IGF1R: variants seen among roughly 807,000 people sequenced by gnomAD.
IGF1R encodes the protein insulin like growth factor 1 receptor, also known as insulin-like growth factor 1 receptor.
IGF1R carries 44 observed loss-of-function variants against 144.6 expected under a neutral mutation model. The ratio of observed to expected loss-of-function variants is 0.30; its 90% CI spans 0.24 to 0.39. IGF1R has a LOEUF of 0.39. Ranked by LOEUF, IGF1R falls within the 10% of genes least tolerant of loss-of-function variation. The pLI is 1.00. For synonymous variants in IGF1R, 795 were observed against 722.8 expected, an observed-to-expected ratio of 1.10 and a Z score of -1.60; for missense variants, 1,355 against 1,833.7, an observed-to-expected ratio of 0.74 and a Z score of 4.77.
chr15:98,815,354 G>A (rs891635343), intron 2 of IGF1R, among the ~76,000 whole-genome samples: 1 of 152,160 alleles, frequency 6.6e-6, no homozygotes, highest in African/African-American at 2.4e-5. Context: ...GCTCCTTTCC[G>A]AATGGAATTG....
rs1174529315 is a variant in IGF1R, at chr15:98,704,004, G to A, written c.95-3558G>A. On this transcript the variant is annotated intron_variant, in intron 1 of 20. Transcript: ENST00000650285. This position sits in a 1 kb window ranked among gnomAD's most constrained non-coding sequence, Gnocchi z 4.9. ...TGGAAAATTCCACACCTGACCTCAT[G>A]TGACGGGTCACTTTTCGAAACTCAG... Among the ~76,000 whole-genome samples the A allele has an allele frequency of 1.3e-5, 2 of 152,088 alleles. No individual in the cohort carries two copies. The highest frequency in any genetic ancestry group is 4.8e-5 in the African/African-American group (2 of 41,406).
In IGF1R at chr15:98,811,877, C is replaced by G. The variant is rs113390704; in HGVS notation, c.641-79448C>G. ...GGAGGCGGAGCTTGCAGTGAGAGATCGCGCCACTGCAGTCCAGCCTGGGTG... is the reference window on the plus strand; with the variant it reads ...GGAGGCGGAGCTTGCAGTGAGAGATGGCGCCACTGCAGTCCAGCCTGGGTG... On this transcript the variant is annotated intron_variant, in intron 2 of 20. Coordinates refer to ENST00000650285, the MANE Select transcript of IGF1R (RefSeq NM_000875.5). Among the ~76,000 whole-genome samples, 105 of 152,260 alleles carry G rather than the reference C, an allele frequency of 6.9e-4. 1 individual carries two copies. Among genetic ancestry groups the G allele is most frequent in the South Asian group, 6.4e-3 (31 of 4,834 alleles).
chr15:98,918,739 C>T (rs2015358676), intron 10 of IGF1R, among the ~76,000 whole-genome samples: 2 of 152,274 alleles, frequency 1.3e-5, no homozygotes, highest in African/African-American at 4.8e-5. Context: ...ATTAGCCAAG[C>T]GTGGTGGTGC....
chr15:98,738,715 A>G (rs544696508), intron 2 of IGF1R, among the ~76,000 whole-genome samples: 6 of 152,140 alleles, frequency 3.9e-5, no homozygotes, highest in Admixed American at 3.3e-4. Context: ...TGGAAATTCA[A>G]CTCTGTACTT....
chr15:98,917,469 C>T lies in IGF1R; in HGVS notation c.2201+593C>T, dbSNP rs551716912. Among the ~76,000 whole-genome samples the T allele has an allele frequency of 8.7e-4, 133 of 152,310 alleles. 3 individuals are homozygous for T. The South Asian group carries it at 0.014, about 16-fold the overall frequency. ...CTTTCAAAGCAACACAGCCCCTGCC[C>T]CAGGGACTCTGCTCCTCTGCTGTGG... On this transcript the variant is annotated intron_variant, in intron 10 of 20. Transcript: ENST00000650285.
intron 8 of IGF1R, among the ~76,000 whole-genome samples, chr15:98,915,747 G>T (rs1205050510): frequency 6.6e-6 from 1 of 152,184 alleles, no homozygotes; most frequent in East Asian, 1.9e-4. Context: ...TGTTTTCACA[G>T]AGATTACCGG....
At chr15:98,863,099 T>C (rs528971042) in intron 2 of IGF1R, among the ~76,000 whole-genome samples, 2 of 152,366 alleles carry the variant, frequency 1.3e-5, no homozygotes, top group South Asian at 2.1e-4. Context: ...GGGTTTTCTT[T>C]AGTCATTCAC....
At chr15:98,682,707 C>A (rs1396013832) in intron 1 of IGF1R, among the ~76,000 whole-genome samples, 1 of 151,938 alleles carries the variant, frequency 6.6e-6, no homozygotes, top group Non-Finnish European at 1.5e-5. Context: ...GCCACCATGC[C>A]TGGCTAATTT....
chr15:98,899,897 C>T (rs558550888), intron 5 of IGF1R, among the ~76,000 whole-genome samples: 1 of 152,274 alleles, frequency 6.6e-6, no homozygotes, highest in African/African-American at 2.4e-5. Flanking sequence ...AGTGAGACGG[C>T]AGACGGGGGT....
intron 2 of IGF1R, among the ~76,000 whole-genome samples, chr15:98,757,524 C>T (rs547487937): frequency 1.6e-4 from 24 of 152,062 alleles, no homozygotes; most frequent in African/African-American, 5.3e-4. Context: ...ATTTATCTGC[C>T]GTTTTGCTTG....
chr15:98,942,401 A>G (rs1199576764), intron 18 of IGF1R, among the ~76,000 whole-genome samples: 2 of 152,132 alleles, frequency 1.3e-5, no homozygotes, highest in Non-Finnish European at 2.9e-5. Flanking sequence ...TGTTGTGATC[A>G]TGGCTCACTG....
intron 2 of IGF1R, among the ~76,000 whole-genome samples, chr15:98,783,008 G>T (rs1409397499): frequency 6.6e-6 from 1 of 152,182 alleles, no homozygotes; most frequent in Non-Finnish European, 1.5e-5. Context: ...TTCTACATCT[G>T]GATGGCCCAA....
At chr15:98,758,223 T>G (rs1380817533) in intron 2 of IGF1R, among the ~76,000 whole-genome samples, 1 of 151,990 alleles carries the variant, frequency 6.6e-6, no homozygotes, top group Non-Finnish European at 1.5e-5. Context: ...TTTTTTTTAA[T>G]TCCTGAAAGT....
chr15:98,729,968 A>T (rs1404682326), intron 2 of IGF1R, among the ~76,000 whole-genome samples: 1 of 152,324 alleles, frequency 6.6e-6, no homozygotes, highest in South Asian at 2.1e-4. Flanking sequence ...ATGGGATCAC[A>T]AGGGCCTATT....
intron 3 of IGF1R, among the ~76,000 whole-genome samples, chr15:98,892,574 G>T (rs1302622783): frequency 1.3e-5 from 2 of 150,680 alleles, no homozygotes; most frequent in South Asian, 2.1e-4. Context: ...AATGCCATAT[G>T]CCCTTTTGTA....
intron 7 of IGF1R, among the ~76,000 whole-genome samples, chr15:98,912,312 G>C (rs979765408): frequency 2.0e-5 from 3 of 152,230 alleles, no homozygotes; most frequent in Non-Finnish European, 4.4e-5. Flanking sequence ...AGGATTACTA[G>C]GCTTTCAGAG....
At position 98,961,256 on chromosome 15, in the gene IGF1R, C is replaced by G. The variant is rs1328878390; in HGVS notation, c.*3814C>G. The G allele has an allele frequency of 4.3e-6, 1 of 233,526 alleles. No homozygotes were observed. Among genetic ancestry groups the G allele is most frequent in the African/African-American group, 2.2e-5 (1 of 45,336 alleles). 14.5% of individuals were successfully genotyped at this position (233,526 alleles called of 1,614,324 possible). A position where few individuals can be genotyped will look rare whatever the true frequency, so the allele number is the denominator to read the frequency against. ...CCTACCGGTTTCCACAACTGGATTT[C>G]TACAGATCATTCAGCTGGTTATAAG... On this transcript the variant is annotated 3_prime_UTR_variant, in exon 21 of 21. Transcript: ENST00000650285.
At chr15:98,936,085 A>ACAGT (rs1452492402) in intron 17 of IGF1R, among the ~76,000 whole-genome samples, 1 of 152,108 alleles carries the variant, frequency 6.6e-6, no homozygotes, top group African/African-American at 2.4e-5. Context: ...CTCCCCACAC[A>ACAGT]CAGTCCCCTT....
chr15:98,718,513 G>A (rs562617148), intron 2 of IGF1R, among the ~76,000 whole-genome samples: 30 of 152,224 alleles, frequency 2.0e-4, no homozygotes, highest in Admixed American at 3.9e-4. Flanking sequence ...AGGTGGGGCT[G>A]AGGGCAGCCA....
Sources: allele counts gnomAD v4.1 joint callset (sites outside exome capture counted in the v4.1 genomes callset), GRCh38; gene constraint gnomAD v4.1.1; non-coding constraint Gnocchi (gnomAD v3.1); transcripts MANE v1.5; gene names NCBI Gene and HGNC (gene_info 2026-07-23, HGNC 2026-07-21).